Variants in KLC3 observed in about 807,000 individuals in gnomAD.
KLC3 encodes the protein kinesin light chain 2.
KLC3 carries 72 observed loss-of-function variants against 62.9 expected under a neutral mutation model. That is an observed-to-expected ratio of 1.15 (90% CI 0.95 to 1.39). The LOEUF is 1.39. Ranked by LOEUF, KLC3 falls within the 40% of genes most tolerant of loss-of-function variation. The pLI, the probability that KLC3 is intolerant of heterozygous loss-of-function variation, is 0.00. For synonymous variants in KLC3, 377 were observed against 300.5 expected, an observed-to-expected ratio of 1.25 and a Z score of -2.63; for missense variants, 848 against 691.6, an observed-to-expected ratio of 1.23 and a Z score of -2.54.
Position 45,347,934 on chromosome 19 carries a change from C to T in KLC3, c.560-7C>T. 1.3e-6 allele frequency: 2 copies of T among 1,595,150 alleles called. No individual in the cohort carries two copies. The highest frequency in any genetic ancestry group is 8.5e-7 in the Non-Finnish European group (1 of 1,170,164). On this transcript the variant is annotated splice_region_variant and splice_polypyrimidine_tract_variant and intron_variant, in intron 4 of 12. Transcript: ENST00000391946. ...CAGTGACCCAGAGCCCACCCCACCC[C>T]ACCTAGGTCCTGAGGCCGCAGGAGC...
At position 45,349,551 on chromosome 19, in the gene KLC3, G is replaced by C; in HGVS notation, c.1092G>C (p.Glu364Asp). The change falls in exon 8 of 13, where the codon GAG (glutamate) becomes GAC (aspartate). Residue 364 changes from glutamate to aspartate, a missense_variant. Glu to Asp is a conservative substitution (Grantham distance 45). Transcript: ENST00000391946. ...ATGCCCGGGCCCTGAGCATCTATGA[G>C]GCACTGGGCGGGCCCCATGACCCCA... is the stretch of plus-strand genomic sequence containing the variant. ...RHYARALSIY[E>D]ALGGPHDPNV... 6.2e-7 allele frequency: 1 copy of C among 1,613,922 alleles called. No homozygotes were observed. Among genetic ancestry groups the C allele is most frequent in the East Asian group, 2.2e-5 (1 of 44,870 alleles).
chr19:45,348,898 C>A lies in KLC3; in HGVS notation c.946C>A (p.Arg316Ser), dbSNP rs139080813. 11 of 1,584,888 alleles carry A rather than the reference C, an allele frequency of 6.9e-6. No homozygotes were observed. Among genetic ancestry groups the A allele is most frequent in the Admixed American group, 1.8e-5 (1 of 54,994 alleles). ...CCGGGAGGCAGAGCCCCTGTGCCAG[C>A]GCGCTTTGGAGATCCGAGAGAAGGT... ...RYREAEPLCQ[R>S]ALEIREKVLG... Residue 316 changes from arginine (R) to serine (S), a missense_variant, in exon 7 of 13, where the codon CGC becomes AGC. Arg to Ser is a moderately radical substitution (Grantham distance 110). Transcript: ENST00000391946.
intron 1 of KLC3, among the ~76,000 whole-genome samples, chr19:45,342,810 C>T (rs1444073338): frequency 6.6e-6 from 1 of 152,100 alleles, no homozygotes; most frequent in African/African-American, 2.4e-5. Flanking sequence ...ATATACATCA[C>T]ATATATACAC....
chr19:45,350,515 T>G lies in KLC3; in HGVS notation c.1236T>G (p.Gly412=). Residue 412 remains glycine, a splice_region_variant and synonymous_variant, in exon 10 of 13, where the codon GGT becomes GGG. Transcript: ENST00000391946. ...AGTGTCCCCCATCTTTCCCCCTAGG[T>G]GCCCCCAACACAGGCACAGCTGGTG... is the stretch of plus-strand genomic sequence containing the variant. ...LHKEDLPAPL[G]APNTGTAGDA... is the part of the protein sequence containing the mutation. 1 of 1,613,086 alleles carries G rather than the reference T, an allele frequency of 6.2e-7. No individual in the cohort carries two copies. Among genetic ancestry groups the G allele is most frequent in the Non-Finnish European group, 8.5e-7 (1 of 1,179,702 alleles).
In KLC3 at chr19:45,347,664, C is replaced by G. The variant is rs1348242508; in HGVS notation, c.559+148C>G. The G allele has an allele frequency of 1.1e-5, 8 of 752,746 alleles. 1 individual carries two copies. In the East Asian group the frequency reaches 2.2e-4, roughly 20 times the overall value. The allele number at this position is 752,746 out of a possible 1,614,324, so 46.6% of individuals were successfully genotyped here. A position where few individuals can be genotyped will look rare whatever the true frequency, so the allele number is the denominator to read the frequency against. Reference sequence around the variant, plus strand: ...CCTGAATGTGACAGTGCAGGTGAGGCTGGGAGCCACAAAGACAGGGTAGCC... The same window carrying G: ...CCTGAATGTGACAGTGCAGGTGAGGGTGGGAGCCACAAAGACAGGGTAGCC... On this transcript the variant is annotated intron_variant, in intron 4 of 12. Transcript: ENST00000391946.
Position 45,349,629 on chromosome 19 carries a change from CCAAGAGTGGAG to C in KLC3, c.1143+28_1143+38del, listed in dbSNP as rs1971612878. ...TGAGGCCCCTGGGGCTCAGAGTGGG[CCAAGAGTGGAG>C]GGTCCTGCCCTGGGGAGGCACCCAT... On this transcript the variant is annotated intron_variant, in intron 8 of 12. Transcript: ENST00000391946. 5 of 1,518,094 alleles carry C rather than the reference CCAAGAGTGGAG, an allele frequency of 3.3e-6. No homozygotes were observed. In the East Asian group the frequency reaches 1.1e-4, roughly 35 times the overall value. The allele number at this position is 1,518,094 out of a possible 1,614,324, so 94.0% of individuals were successfully genotyped here.
At chr19:45,341,242 C>G (rs1971388524) in intron 1 of KLC3, among the ~76,000 whole-genome samples, 1 of 141,664 alleles carries the variant, frequency 7.1e-6, no homozygotes, top group Non-Finnish European at 1.5e-5. Context: ...GAGAGTGTGT[C>G]AGGCTGTGGG....
At chr19:45,344,177 G>A (rs1322240429) in intron 1 of KLC3, among the ~76,000 whole-genome samples, 1 of 147,808 alleles carries the variant, frequency 6.8e-6, no homozygotes, top group Non-Finnish European at 1.5e-5. Context: ...GTGTGTGTGT[G>A]TAACTGTATT....
rs77427665 is a variant in KLC3, at chr19:45,348,059, G to A, written c.678G>A (p.Ala226=). The change falls in exon 5 of 13, where the codon GCG becomes GCA. Residue 226 remains alanine (A), a synonymous_variant. Coordinates refer to ENST00000391946, the MANE Select transcript of KLC3 (RefSeq NM_177417.3). Reference sequence around the variant, plus strand: ...CGGGGCAGGGCCGCTATGAGGTGGCGGTGCCTCTGTGCCGCCAGGCCTTGG... The same window carrying A: ...CGGGGCAGGGCCGCTATGAGGTGGCAGTGCCTCTGTGCCGCCAGGCCTTGG... ...QYAGQGRYEV[A]VPLCRQALED... The A allele has an allele frequency of 4.1e-5, 65 of 1,603,308 alleles. No individual in the cohort carries two copies. In the East Asian group the frequency reaches 8.3e-4, roughly 21 times the overall value.
chr19:45,345,694 C>A lies in KLC3; in HGVS notation c.153C>A (p.Ala51=). Residue 51 remains alanine, a synonymous_variant, in exon 2 of 13, where the codon GCC becomes GCA. Coordinates refer to ENST00000391946, the MANE Select transcript of KLC3 (RefSeq NM_177417.3). ...HHGLAGHLAE[A]LAGQGPAAGL... is the part of the protein sequence containing the mutation. ...GCCTGGCTGGGCACCTGGCGGAGGC[C>A]CTGGCGGGACAGGGCCCGGCAGCCG... The A allele has an allele frequency of 6.4e-7, 1 of 1,571,526 alleles. No homozygotes were observed. The highest frequency in any genetic ancestry group is 2.3e-5 in the East Asian group (1 of 42,880).
chr19:45,348,662 AAAG>A lies in KLC3; in HGVS notation c.800_802del (p.Glu267del). 3 of 1,587,696 alleles carry A rather than the reference AAAG, an allele frequency of 1.9e-6. No homozygotes were observed. Among genetic ancestry groups the A allele is most frequent in the South Asian group, 1.1e-5 (1 of 87,080 alleles). On this transcript the variant is annotated inframe_deletion, in exon 6 of 13. Transcript: ENST00000391946. ...CCCCCACAGGGACCAGAACAAGTAC[AAAG>A]AAGCCACAGACCTTCTCCATGATGC...
At chr19:45,349,905 A>C in intron 8 of KLC3, 1 of 447,114 alleles carries the variant, frequency 2.2e-6, no homozygotes. Context: ...CCACATCGCT[A>C]GTTCTTATAG....
rs1763349865 is a variant in KLC3 at position 45,348,924 on chromosome 19, C to G, written c.969+3C>G. 6.4e-7 allele frequency: 1 copy of G among 1,572,606 alleles called. No individual in the cohort carries two copies. Among genetic ancestry groups the G allele is most frequent in the African/African-American group, 1.3e-5 (1 of 74,252 alleles). The stretch of plus-strand genomic sequence containing the variant: ...GCGCTTTGGAGATCCGAGAGAAGGT[C>G]CCATCCCCCTCACCCCACCCCGAGG... On this transcript the variant is annotated splice_donor_region_variant and intron_variant, in intron 7 of 12. Coordinates refer to ENST00000391946, the MANE Select transcript of KLC3 (RefSeq NM_177417.3).
chr19:45,341,581 G>GCA (rs1971396425), intron 1 of KLC3, among the ~76,000 whole-genome samples: 1 of 150,036 alleles, frequency 6.7e-6, no homozygotes, highest in South Asian at 2.1e-4. Context: ...GTGTGTGTGC[G>GCA]CGCGCGCGTG....
chr19:45,343,464 A>G (rs980281559), intron 1 of KLC3, among the ~76,000 whole-genome samples: 1 of 151,888 alleles, frequency 6.6e-6, no homozygotes, highest in African/African-American at 2.4e-5. Context: ...CCTCATGAGT[A>G]GCTGGGGACT....
chr19:45,350,428 C>T lies in KLC3; in HGVS notation c.1231C>T (p.Leu411Phe), dbSNP rs375410322. Residue 411 changes from leucine to phenylalanine, a missense_variant, in exon 9 of 13, where the codon CTC becomes TTC. Leu to Phe is a conservative substitution (Grantham distance 22). Coordinates refer to ENST00000391946, the MANE Select transcript of KLC3 (RefSeq NM_177417.3). The stretch of plus-strand genomic sequence containing the variant: ...CCACAAGGAGGACCTACCCGCCCCT[C>T]TCGGTGAGCCCCTAGCCCCTGTCTG... The part of the protein sequence containing the change: ...ILHKEDLPAP[L>F]GAPNTGTAGD... 5.0e-6 allele frequency: 8 copies of T among 1,613,328 alleles called. No homozygotes were observed. Among genetic ancestry groups the T allele is most frequent in the African/African-American group, 1.3e-5 (1 of 74,874 alleles).
At chr19:45,351,057 T>TGG in intron 12 of KLC3, 40 bp downstream of exon 12, 1 of 1,613,660 alleles carries the variant, frequency 6.2e-7, no homozygotes, top group Non-Finnish European at 8.5e-7. Context: ...GGAGGCCATG[T>TGG]GGGTAGGTGC....
At chr19:45,345,406 G>T in intron 1 of KLC3, 128 bp from the exon 2 acceptor site, 1 of 1,245,020 alleles carries the variant, frequency 8.0e-7, no homozygotes, top group South Asian at 1.4e-5. Context: ...GGCCAGGATG[G>T]GTGGAGCAGG....
chr19:45,349,705 G>GC (rs767321436), intron 8 of KLC3, 103 bp downstream of exon 8: 10 of 789,672 alleles, frequency 1.3e-5, no homozygotes, highest in Admixed American at 3.2e-5. Flanking sequence ...GTGGGGGGGG[G>GC]CCCCCCAGGC....
Sources: gnomAD v4.1 joint callset for allele counts (sites outside exome capture counted in the v4.1 genomes callset) on GRCh38, gnomAD v4.1.1 for gene constraint, MANE v1.5 for transcripts, NCBI Gene and HGNC (gene_info 2026-07-23, HGNC 2026-07-21) for gene names.